Variants in GALNTL6 observed in about 807,000 individuals in gnomAD.
GALNTL6 encodes the protein polypeptide N-acetylgalactosaminyltransferase-like 6.
A neutral mutation model predicts 73.7 loss-of-function variants in GALNTL6; 46 were observed. The ratio of observed to expected loss-of-function variants is 0.62; its 90% CI spans 0.49 to 0.80. GALNTL6 has a LOEUF of 0.80. GALNTL6 is among the 30% of genes least tolerant of loss of function. The pLI, the probability that GALNTL6 is intolerant of heterozygous loss-of-function variation, is 0.00. For missense variants in GALNTL6, 604 were observed against 755.0 expected (o/e 0.80, Z 2.34); for synonymous variants, 259 against 263.7 (o/e 0.98, Z 0.17).
intron 2 of GALNTL6, among the ~76,000 whole-genome samples, chr4:171,997,251 C>T (rs1346551236): frequency 2.0e-5 from 3 of 152,084 alleles, no homozygotes; most frequent in Non-Finnish European, 4.4e-5. Context: ...GGGGCAACTT[C>T]CCTAGCTCCA....
chr4:172,498,207 C>G (rs1734136987), intron 5 of GALNTL6, among the ~76,000 whole-genome samples: 1 of 151,944 alleles, frequency 6.6e-6, no homozygotes, highest in Non-Finnish European at 1.5e-5. Context: ...CCAGGATGGT[C>G]TCTATCTCTT....
At chr4:172,777,880 ACATGACAGTGAATTCAGCTGGGGCTTTG>A (rs1739157111) in intron 5 of GALNTL6, among the ~76,000 whole-genome samples, 1 of 152,218 alleles carries the variant, frequency 6.6e-6, no homozygotes, top group African/African-American at 2.4e-5. Flanking sequence ...ACTGTATACC[ACATGACAGTGAATTCAGCTGGGGCTTTG>A]CATATGCACA....
At chr4:172,219,260 A>G (rs1736598927) in intron 2 of GALNTL6, among the ~76,000 whole-genome samples, 1 of 142,892 alleles carries the variant, frequency 7.0e-6, no homozygotes, top group African/African-American at 2.6e-5. Flanking sequence ...CAAAAGAATA[A>G]CCGTTATTTT....
chr4:172,169,424 C>T (rs536553515), intron 2 of GALNTL6, among the ~76,000 whole-genome samples: 50 of 152,304 alleles, frequency 3.3e-4, no homozygotes, highest in African/African-American at 1.2e-3. Context: ...GGGTAAGATG[C>T]TTCAACTATA....
chr4:172,806,883 G>A (rs943231218), intron 5 of GALNTL6, among the ~76,000 whole-genome samples: 1 of 152,122 alleles, frequency 6.6e-6, no homozygotes, highest in Non-Finnish European at 1.5e-5. Flanking sequence ...TGATGATATG[G>A]AAAGATTTCA....
At chr4:171,996,894 A>G (rs1005867285) in intron 2 of GALNTL6, among the ~76,000 whole-genome samples, 5 of 152,108 alleles carry the variant, frequency 3.3e-5, no homozygotes, top group African/African-American at 1.2e-4. Context: ...TATTTCTCTC[A>G]GATAATTACT....
intron 10 of GALNTL6, among the ~76,000 whole-genome samples, chr4:172,979,892 A>T (rs2126429064): frequency 6.6e-6 from 1 of 152,338 alleles, no homozygotes; most frequent in African/African-American, 2.4e-5. Context: ...TCCTCCCCGC[A>T]ATTTGAAGTA....
At chr4:171,991,755 T>TAC (rs56390158) in intron 2 of GALNTL6, among the ~76,000 whole-genome samples, 41,385 of 139,036 alleles carry the variant, frequency 0.3, 6,922 homozygotes, top group Non-Finnish European at 0.38. Context: ...TATATATATA[T>TAC]ACACATATAT....
chr4:172,956,012 C>T (rs1368763739), intron 10 of GALNTL6, among the ~76,000 whole-genome samples: 2 of 152,110 alleles, frequency 1.3e-5, no homozygotes, highest in Non-Finnish European at 2.9e-5. Context: ...TGGATGTGTA[C>T]GTGCAGGTCA....
At position 172,544,730 on chromosome 4, in the gene GALNTL6, C is replaced by T. The variant is rs916110666; in HGVS notation, c.553+196041C>T. Among the ~76,000 whole-genome samples, 7 of 152,270 alleles carry T rather than the reference C, an allele frequency of 4.6e-5. No individual in the cohort carries two copies. The South Asian group carries it at 1.5e-3, about 32-fold the overall frequency. On this transcript the variant is annotated intron_variant, in intron 5 of 12. Transcript: ENST00000506823. ...TTTTGCTTTCCTAGCATGAACAGTT[C>T]TTAATGACTCTTCAAACATTTCACC...
intron 8 of GALNTL6, among the ~76,000 whole-genome samples, chr4:172,928,923 T>G (rs1748191007): frequency 6.6e-6 from 1 of 152,230 alleles, no homozygotes. Context: ...CTCCATAGTA[T>G]GTTAATGATG....
intron 3 of GALNTL6, among the ~76,000 whole-genome samples, chr4:172,284,136 C>T (rs1428801165): frequency 6.6e-6 from 1 of 152,014 alleles, no homozygotes; most frequent in Non-Finnish European, 1.5e-5. Context: ...AGTCTAGGCA[C>T]TTTGCTTTAT....
intron 5 of GALNTL6, among the ~76,000 whole-genome samples, chr4:172,376,286 C>A (rs886068322): frequency 6.6e-6 from 1 of 152,178 alleles, no homozygotes; most frequent in Non-Finnish European, 1.5e-5. Flanking sequence ...TTTTGTCTGG[C>A]AGGCATTAGG....
At chr4:172,525,893 T>G (rs1241404629) in intron 5 of GALNTL6, among the ~76,000 whole-genome samples, 1 of 152,134 alleles carries the variant, frequency 6.6e-6, no homozygotes, top group African/African-American at 2.4e-5. Context: ...AATGATGGAT[T>G]GTTTGAGATT....
At chr4:172,925,365 T>C (rs973901483) in intron 8 of GALNTL6, among the ~76,000 whole-genome samples, 1 of 152,180 alleles carries the variant, frequency 6.6e-6, no homozygotes, top group African/African-American at 2.4e-5. Context: ...AGGTTATCGA[T>C]AGAAGACATG....
chr4:172,844,699 A>T (rs1286178908), intron 7 of GALNTL6, among the ~76,000 whole-genome samples: 1 of 152,176 alleles, frequency 6.6e-6, no homozygotes, highest in Non-Finnish European at 1.5e-5. Flanking sequence ...ACCAAACATG[A>T]TGTCAGTTAA....
In GALNTL6 at chr4:172,062,781, G is replaced by C. The variant is rs138077622; in HGVS notation, c.139-166875G>C. 1.4e-4 allele frequency among the ~76,000 whole-genome samples: 22 copies of C among 152,314 alleles called. No homozygotes were observed. In the East Asian group the frequency reaches 3.3e-3, roughly 23 times the overall value. On this transcript the variant is annotated intron_variant, in intron 2 of 12. Transcript: ENST00000506823. The stretch of plus-strand genomic sequence containing the variant: ...ATGTTGTACAGAGAGGGGAAAAATA[G>C]ATGGCTGTTCTAGACCTCTGAATCT...
chr4:172,759,799 CTTTTTTTTTTTTTTTTTTTTTTTTTTT>C (rs764391767), intron 5 of GALNTL6, among the ~76,000 whole-genome samples: 6 of 87,654 alleles, frequency 6.8e-5, no homozygotes, highest in African/African-American at 1.7e-4. Flanking sequence ...TATTTATAGT[CTTTTTTTTTTTTTTTTTTTTTTTTTTT>C]TTTTTTTTTT....
intron 10 of GALNTL6, among the ~76,000 whole-genome samples, chr4:172,957,154 C>T (rs1749790094): frequency 6.6e-6 from 1 of 152,094 alleles, no homozygotes; most frequent in Non-Finnish European, 1.5e-5. Flanking sequence ...AATCCCCGAG[C>T]TTGATGTGTA....
Sources: gnomAD v4.1 joint callset for allele counts (sites outside exome capture counted in the v4.1 genomes callset) on GRCh38, gnomAD v4.1.1 for gene constraint, MANE v1.5 for transcripts, NCBI Gene and HGNC (gene_info 2026-07-23, HGNC 2026-07-21) for gene names.